The following PHTF2 variants were observed in gnomAD, a reference collection of about 807,000 sequenced individuals.
PHTF2 encodes putative homeodomain transcription factor 2, also known as protein PHTF2.
Under a neutral mutation model 101.2 loss-of-function variants are expected in PHTF2, and 60 were observed. The ratio of observed to expected loss-of-function variants is 0.59; its 90% confidence interval spans 0.48 to 0.73. The LOEUF (loss-of-function observed/expected upper bound fraction) is 0.73, where lower values mean the gene tolerates loss of function less well. Among genes scored for constraint, PHTF2 ranks in the 30% least tolerant of loss-of-function variants. The probability of loss-of-function intolerance (pLI) is 0.00; values close to 1 mark genes in which losing one functional copy is unlikely to be tolerated. For missense variants in PHTF2, 747 were observed against 908.7 expected (o/e 0.82, Z 2.29); for synonymous variants, 311 against 307.3 (o/e 1.01, Z -0.13).
chr7:77,927,197 C>T (rs2049559), intron 11 of PHTF2, among the ~76,000 whole-genome samples: 1,692 of 79,038 alleles, frequency 0.021, 17 homozygotes, highest in Non-Finnish European at 0.03. Context: ...TATATATATA[C>T]ATACACACAC....
intron 3 of PHTF2, among the ~76,000 whole-genome samples, chr7:77,888,975 G>A (rs1800122032): frequency 6.6e-6 from 1 of 152,096 alleles, no homozygotes; most frequent in African/African-American, 2.4e-5. Context: ...ATCTGTTAGG[G>A]GTAAAATATA....
At chr7:77,874,226 A>G (rs898999624) in intron 3 of PHTF2, among the ~76,000 whole-genome samples, 22 of 152,156 alleles carry the variant, frequency 1.4e-4, no homozygotes, top group Admixed American at 5.2e-4. Flanking sequence ...TCTCCATACT[A>G]TTAGAAATAG....
At chr7:77,951,703 A>G (rs1323416767) in exon 18 of PHTF2, 1 of 1,370,190 alleles carries the variant, frequency 7.3e-7, no homozygotes, top group Admixed American at 2.3e-5. Flanking sequence ...TGGCTACTAA[A>G]CTGCTAAAGG....
intron 11 of PHTF2, among the ~76,000 whole-genome samples, chr7:77,927,177 A>AATATATATATATATATATATATATAT (rs386410516): frequency 2.6e-5 from 2 of 78,156 alleles, no homozygotes; most frequent in Non-Finnish European, 4.9e-5. Context: ...AAAAAAAAAA[A>AATATATATATATATATATATATATAT]ATATATATAT....
In PHTF2 at chr7:77,803,825, A is replaced by G. The variant is rs906047578; in HGVS notation, c.-36+4854A>G. The stretch of plus-strand genomic sequence containing the variant: ...AGGGAGGCAATAGGATTCAACCGGC[A>G]GAGTTGAATAATCATTTTACCCACA... On this transcript the variant is annotated intron_variant, in intron 1 of 19. Transcript: ENST00000416283. 1.2e-4 allele frequency among the ~76,000 whole-genome samples: 19 copies of G among 152,294 alleles called. 2 individuals carry two copies. In the South Asian group the frequency reaches 1.9e-3, roughly 15 times the overall value.
At chr7:77,918,547 A>T (rs905209971) in intron 9 of PHTF2, among the ~76,000 whole-genome samples, 27 of 152,124 alleles carry the variant, frequency 1.8e-4, no homozygotes, top group African/African-American at 6.5e-4. Flanking sequence ...CATTTTCAGG[A>T]TATCAAGTAA....
At chr7:77,892,789 A>G (rs780434570) in intron 3 of PHTF2, among the ~76,000 whole-genome samples, 46 of 152,230 alleles carry the variant, frequency 3.0e-4, no homozygotes, top group Non-Finnish European at 4.8e-4. Flanking sequence ...TCCAGCATCT[A>G]AGAATAATAA....
intron 3 of PHTF2, among the ~76,000 whole-genome samples, chr7:77,888,326 G>A (rs1038962791): frequency 2.0e-5 from 3 of 152,164 alleles, no homozygotes; most frequent in Non-Finnish European, 4.4e-5. Flanking sequence ...ATGTTGGCCA[G>A]GCTGGTCTGA....
At chr7:77,907,400 G>C (rs1388118152) in intron 7 of PHTF2, among the ~76,000 whole-genome samples, 2 of 152,162 alleles carry the variant, frequency 1.3e-5, no homozygotes, top group Non-Finnish European at 2.9e-5. Flanking sequence ...TTGAGTTGCA[G>C]GTGGCAGAAA....
At chr7:77,879,318 G>A (rs1405434835) in intron 3 of PHTF2, among the ~76,000 whole-genome samples, 1 of 152,104 alleles carries the variant, frequency 6.6e-6, no homozygotes, top group Non-Finnish European at 1.5e-5. Context: ...GACCATAGCT[G>A]GGGAGGAGTC....
chr7:77,899,683 T>G (rs912964838), intron 5 of PHTF2, among the ~76,000 whole-genome samples: 8 of 152,220 alleles, frequency 5.3e-5, no homozygotes, highest in Admixed American at 5.2e-4. Flanking sequence ...GTTCTCTTCT[T>G]TGTTTTAGAT....
chr7:77,816,975 G>C (rs894884611), intron 1 of PHTF2, among the ~76,000 whole-genome samples: 1 of 152,154 alleles, frequency 6.6e-6, no homozygotes, highest in Non-Finnish European at 1.5e-5. Context: ...CTGTTGTTGG[G>C]CATGTAGGTT....
chr7:77,847,181 C>T (rs1170508394), intron 2 of PHTF2, among the ~76,000 whole-genome samples: 1 of 152,190 alleles, frequency 6.6e-6, no homozygotes, highest in Non-Finnish European at 1.5e-5. Flanking sequence ...CTAAGTGATA[C>T]ACAGAAGTGC....
At chr7:77,860,076 C>T (rs1797508551) in intron 3 of PHTF2, among the ~76,000 whole-genome samples, 1 of 152,090 alleles carries the variant, frequency 6.6e-6, no homozygotes, top group African/African-American at 2.4e-5. Flanking sequence ...GTGTATATTT[C>T]TCAATGTCCT....
At chr7:77,812,938 T>A (rs1361288415) in intron 1 of PHTF2, among the ~76,000 whole-genome samples, 3 of 152,196 alleles carry the variant, frequency 2.0e-5, no homozygotes, top group African/African-American at 7.2e-5. Flanking sequence ...CAGAGTAACG[T>A]GTTAAAAGGC....
At chr7:77,802,920 G>A (rs566023185) in intron 1 of PHTF2, among the ~76,000 whole-genome samples, 125 of 152,254 alleles carry the variant, frequency 8.2e-4, no homozygotes, top group African/African-American at 2.8e-3. Context: ...CCATAAATAC[G>A]TTAAATTTAC....
intron 16 of PHTF2, among the ~76,000 whole-genome samples, chr7:77,945,865 C>G (rs1220136523): frequency 1.3e-5 from 2 of 152,092 alleles, no homozygotes; most frequent in Admixed American, 6.6e-5. Context: ...TCCTCCATAC[C>G]CGTATGGTTT....
intron 11 of PHTF2, among the ~76,000 whole-genome samples, chr7:77,925,327 G>A (rs1336909049): frequency 6.6e-6 from 1 of 151,942 alleles, no homozygotes; most frequent in Non-Finnish European, 1.5e-5. Flanking sequence ...GACATGACTA[G>A]CAGTAGAAAC....
rs1202637214 is a variant in PHTF2 at position 77,840,277 on chromosome 7, G to GCTAT, written c.23_26dup (p.Val10TyrfsTer46). On this transcript the variant is annotated frameshift_variant, in exon 2 of 20. Transcript: ENST00000416283. LOFTEE classifies it high-confidence loss of function. ...ATAAATGGCGTCCAAAGTCACAGATGCTATAGTCTGGTATCAAAAGAAGGT... is the reference window on the plus strand; with the variant it reads ...ATAAATGGCGTCCAAAGTCACAGATGCTATCTATAGTCTGGTATCAAAAGAAGGT... 6.2e-7 allele frequency: 1 copy of GCTAT among 1,609,582 alleles called. No homozygotes were observed. The highest frequency in any genetic ancestry group is 1.7e-5 in the Admixed American group (1 of 59,956).
Sources: allele counts gnomAD v4.1 joint callset (sites outside exome capture counted in the v4.1 genomes callset), GRCh38; gene constraint gnomAD v4.1.1; transcripts MANE v1.5; gene names NCBI Gene and HGNC (gene_info 2026-07-23, HGNC 2026-07-21).